Variants in SLC16A9 observed in about 807,000 individuals in gnomAD.
The protein encoded by SLC16A9 is solute carrier family 16 member 9, also known as monocarboxylate transporter 9.
SLC16A9 carries 26 observed loss-of-function variants against 44.3 expected under a neutral mutation model. The observed-to-expected ratio is 0.59, with a 90% CI of 0.43 to 0.81. The LOEUF (loss-of-function observed/expected upper bound fraction) is 0.81. Ranked by LOEUF, SLC16A9 falls within the 40% of genes least tolerant of loss-of-function variation. The probability of loss-of-function intolerance (pLI) is 0.00; values close to 1 mark genes in which losing one functional copy is unlikely to be tolerated. For synonymous variants in SLC16A9, 230 were observed against 225.1 expected (o/e 1.02, Z -0.19); for missense variants, 559 against 595.8 (o/e 0.94, Z 0.64).
intron 1 of SLC16A9, among the ~76,000 whole-genome samples, chr10:59,698,683 C>T (rs1187232256): frequency 1.3e-5 from 2 of 152,008 alleles, no homozygotes; most frequent in Non-Finnish European, 2.9e-5. Context: ...TGCCCCAATT[C>T]TTTGTGTCCA....
rs1039337967 is a variant in SLC16A9 at position 59,709,497 on chromosome 10, G to C, written c.-55C>G. On this transcript the variant is annotated 5_prime_UTR_variant, in exon 1 of 6. Transcript: ENST00000395348. ...CCTTTACCTGAGTCCCGGCCTCGGC[G>C]GGGCCTCCGGTGCTCAGCACCCGGC... 1 of 152,302 alleles carries C rather than the reference G, an allele frequency of 6.6e-6. No individual in the cohort carries two copies. Among genetic ancestry groups the C allele is most frequent in the East Asian group, 1.9e-4 (1 of 5,144 alleles). 9.4% of individuals were successfully genotyped at this position (152,302 alleles called of 1,614,324 possible). A position where few individuals can be genotyped will look rare whatever the true frequency, so the allele number is the denominator to read the frequency against.
chr10:59,662,903 C>G (rs7068546), intron 4 of SLC16A9, among the ~76,000 whole-genome samples: 42,870 of 152,000 alleles, frequency 0.28, 7,125 homozygotes, highest in Middle Eastern at 0.41. Context: ...CTAGAAATAC[C>G]ATTTGACCCA....
At chr10:59,700,608 G>T (rs111511360) in intron 1 of SLC16A9, among the ~76,000 whole-genome samples, 4 of 152,218 alleles carry the variant, frequency 2.6e-5, no homozygotes, top group Non-Finnish European at 4.4e-5. Flanking sequence ...CAGGCACGGA[G>T]CTTCGCATAA....
At chr10:59,698,905 T>A (rs949299545) in intron 1 of SLC16A9, among the ~76,000 whole-genome samples, 1 of 152,082 alleles carries the variant, frequency 6.6e-6, no homozygotes, top group African/African-American at 2.4e-5. Context: ...GCCCAGCTAA[T>A]GTTTTTTCTT....
chr10:59,677,407 A>AC (rs1175584575), intron 2 of SLC16A9, among the ~76,000 whole-genome samples: 4 of 152,112 alleles, frequency 2.6e-5, no homozygotes, highest in Non-Finnish European at 5.9e-5. Context: ...TGTATTTATT[A>AC]TACCTATAGC....
At chr10:59,677,437 C>T (rs1457466673) in intron 2 of SLC16A9, among the ~76,000 whole-genome samples, 1 of 152,070 alleles carries the variant, frequency 6.6e-6, no homozygotes, top group Non-Finnish European at 1.5e-5. Context: ...CTGGAATAAG[C>T]CACATTTCAG....
chr10:59,664,298 G>C lies in SLC16A9; in HGVS notation c.365C>G (p.Thr122Ser). The C allele has an allele frequency of 6.2e-7, 1 of 1,611,594 alleles. No homozygotes were observed. Residue 122 changes from threonine to serine, a missense_variant, in exon 4 of 6, where the codon ACT becomes AGT. Thr to Ser is a moderately conservative substitution (Grantham distance 58, BLOSUM62 1). Transcript: ENST00000395348. ...CTGGCACGTAATGGTCACTGTTGCA[G>C]TGTATAATAAACCACATCCAAGACC... The part of the protein sequence containing the change: ...VVGLGCGLLY[T>S]ATVTITCQYF...
intron 1 of SLC16A9, among the ~76,000 whole-genome samples, chr10:59,694,981 G>T (rs909906946): frequency 1.3e-5 from 2 of 151,378 alleles, no homozygotes; most frequent in Non-Finnish European, 2.9e-5. Context: ...CAATAAAAAG[G>T]GATGGAATGC....
At chr10:59,671,974 T>C (rs773078984) in intron 3 of SLC16A9, among the ~76,000 whole-genome samples, 4 of 152,180 alleles carry the variant, frequency 2.6e-5, no homozygotes, top group Non-Finnish European at 5.9e-5. Context: ...TTATTTATTA[T>C]TGGAGAAATA....
intron 1 of SLC16A9, chr10:59,708,522 A>G (rs1220390320): frequency 1.3e-5 from 2 of 152,200 alleles, no homozygotes; most frequent in Non-Finnish European, 2.9e-5. Flanking sequence ...ATGAACTGTT[A>G]TTCAGTTAAT....
At chr10:59,680,824 T>G (rs72812351) in intron 2 of SLC16A9, among the ~76,000 whole-genome samples, 21,052 of 151,328 alleles carry the variant, frequency 0.14, 1,548 homozygotes, top group East Asian at 0.22. Flanking sequence ...CTACAAAAAA[T>G]AAGAAAAAAA....
chr10:59,654,060 T>C lies in SLC16A9; in HGVS notation c.966A>G (p.Pro322=), dbSNP rs976939479. ...CTACATCTTCCATAAGTAATGAAGG[T>C]GGAAACCCTCCGATGTCAAAGAGTA... The part of the protein sequence containing the change: ...AILLFDIGGF[P]PSLLMEDVAR... Residue 322 remains proline (P), a synonymous_variant, in exon 5 of 6, where the codon CCA becomes CCG. Coordinates refer to ENST00000395348, the MANE Select transcript of SLC16A9 (RefSeq NM_194298.3). 3 of 1,614,054 alleles carry C rather than the reference T, an allele frequency of 1.9e-6. No individual in the cohort carries two copies. Among genetic ancestry groups the C allele is most frequent in the Admixed American group, 3.3e-5 (2 of 60,028 alleles).
chr10:59,702,608 C>A (rs1020989338), intron 1 of SLC16A9, among the ~76,000 whole-genome samples: 4 of 152,200 alleles, frequency 2.6e-5, no homozygotes, highest in African/African-American at 9.6e-5. Flanking sequence ...AACTTTAAGT[C>A]AGGCCCACTT....
chr10:59,709,979 A>T (rs1240657920), upstream of SLC16A9: 2 of 151,862 alleles, frequency 1.3e-5, no homozygotes, highest in Non-Finnish European at 2.9e-5. Context: ...AGGAGTAGGG[A>T]GGGCACTGCC....
rs938870982 is a variant in SLC16A9, at chr10:59,694,488, T to C, written c.-36-10161A>G. On this transcript the variant is annotated intron_variant, in intron 1 of 5. Coordinates refer to ENST00000395348, the MANE Select transcript of SLC16A9 (RefSeq NM_194298.3). ...ATAGTCTATATATTAAGATAGACTA[T>C]AGATAGAATACATTAAGTATACTAA... 6.6e-5 allele frequency among the ~76,000 whole-genome samples: 10 copies of C among 152,124 alleles called. No homozygotes were observed. In the East Asian group the frequency reaches 1.9e-3, roughly 29 times the overall value.
At chr10:59,696,295 G>A (rs867575744) in intron 1 of SLC16A9, among the ~76,000 whole-genome samples, 7 of 152,340 alleles carry the variant, frequency 4.6e-5, no homozygotes, top group African/African-American at 1.2e-4. Context: ...TGGTGGAGAG[G>A]GGGTTTCGCT....
At position 59,652,635 on chromosome 10, in the gene SLC16A9, A is replaced by C. The variant is rs938615073; in HGVS notation, c.*137T>G. ...AAAAATAGGATATATAAAAAAAAAT[A>C]ATTCATTCAGAGTCAGTCATTGTGA... On this transcript the variant is annotated 3_prime_UTR_variant, in exon 6 of 6. Transcript: ENST00000395348. 19 of 722,054 alleles carry C rather than the reference A, an allele frequency of 2.6e-5. No homozygotes were observed. The highest frequency in any genetic ancestry group is 4.0e-4 in the Middle Eastern group (1 of 2,524). 44.7% of individuals were successfully genotyped at this position (722,054 alleles called of 1,614,324 possible). A position where few individuals can be genotyped will look rare whatever the true frequency, so the allele number is the denominator to read the frequency against.
At chr10:59,668,888 A>G (rs11006679) in intron 3 of SLC16A9, among the ~76,000 whole-genome samples, 100,002 of 151,976 alleles carry the variant, frequency 0.66, 33,605 homozygotes, top group Middle Eastern at 0.77. Flanking sequence ...GGGGGGGCTT[A>G]TAAATCTCTA....
intron 1 of SLC16A9, among the ~76,000 whole-genome samples, chr10:59,704,251 T>C (rs1840591397): frequency 6.6e-6 from 1 of 152,188 alleles, no homozygotes; most frequent in Admixed American, 6.5e-5. Context: ...TAGTTTCACC[T>C]GTGCTATCCC....
Sources: allele counts gnomAD v4.1 joint callset (sites outside exome capture counted in the v4.1 genomes callset), GRCh38; gene constraint gnomAD v4.1.1; transcripts MANE v1.5; gene names NCBI Gene and HGNC (gene_info 2026-07-23, HGNC 2026-07-21).